The following PTPRZ1 variants were observed in gnomAD, a reference collection of about 807,000 sequenced individuals.
PTPRZ1 encodes the protein protein tyrosine phosphatase receptor type Z1.
In PTPRZ1, 82 loss-of-function variants were observed where a neutral mutation model predicts 214.1. That is an observed-to-expected ratio of 0.38 (90% CI 0.32 to 0.46). The LOEUF (loss-of-function observed/expected upper bound fraction) is 0.46. Ranked by LOEUF, PTPRZ1 falls within the 20% of genes least tolerant of loss-of-function variation. The probability of loss-of-function intolerance (pLI) is 1.00; values close to 1 mark genes in which losing one functional copy is unlikely to be tolerated. For synonymous variants in PTPRZ1, 945 were observed against 987.9 expected (o/e 0.96, Z 0.81); for missense variants, 2,603 against 2,748.7 (o/e 0.95, Z 1.19).
intron 2 of PTPRZ1, among the ~76,000 whole-genome samples, chr7:121,949,131 G>A (rs1563032488): frequency 6.6e-6 from 1 of 152,258 alleles, no homozygotes; most frequent in East Asian, 1.9e-4. Context: ...ACAACTCGAA[G>A]CAAAGGTGGG....
chr7:121,990,376 G>T, intron 8 of PTPRZ1, among the ~76,000 whole-genome samples: 1 of 151,962 alleles, frequency 6.6e-6, no homozygotes, highest in Non-Finnish European at 1.5e-5. Flanking sequence ...TATTTTATCT[G>T]TATTTCCATT....
chr7:121,931,274 A>G (rs1795914900), intron 2 of PTPRZ1, among the ~76,000 whole-genome samples: 1 of 152,206 alleles, frequency 6.6e-6, no homozygotes, highest in Admixed American at 6.5e-5. Context: ...TAGAGATGTT[A>G]TCACAGAATA....
chr7:121,887,773 C>T (rs1203263068), intron 1 of PTPRZ1, among the ~76,000 whole-genome samples: 1 of 152,018 alleles, frequency 6.6e-6, no homozygotes, highest in African/African-American at 2.4e-5. Context: ...GCGGATGCAC[C>T]ATTTCTATGG....
Position 122,010,681 on chromosome 7 carries a change from T to A in PTPRZ1, c.1635T>A (p.Val545=). The A allele has an allele frequency of 6.2e-7, 1 of 1,613,804 alleles. No homozygotes were observed. Among genetic ancestry groups the A allele is most frequent in the South Asian group, 1.1e-5 (1 of 91,050 alleles). ...SASLNDGSKT[V]LRSPHMNLSG... The stretch of plus-strand genomic sequence containing the variant: ...CTTTAAATGATGGCTCTAAAACTGT[T>A]CTTAGATCTCCACATATGAACTTGT... The change falls in exon 12 of 30, where the codon GTT becomes GTA. Residue 545 remains valine (V), a synonymous_variant. Coordinates refer to ENST00000393386, the MANE Select transcript of PTPRZ1 (RefSeq NM_002851.3).
chr7:121,889,688 A>G (rs868133311), intron 1 of PTPRZ1, among the ~76,000 whole-genome samples: 2 of 152,022 alleles, frequency 1.3e-5, no homozygotes, highest in Non-Finnish European at 2.9e-5. Flanking sequence ...TATAGTCACT[A>G]TCTATTTTCT....
At chr7:121,988,640 A>G (rs1465563094) in intron 8 of PTPRZ1, among the ~76,000 whole-genome samples, 1 of 152,178 alleles carries the variant, frequency 6.6e-6, no homozygotes, top group Non-Finnish European at 1.5e-5. Flanking sequence ...GTAACATCTG[A>G]TAAAGTACCT....
intron 29 of PTPRZ1, among the ~76,000 whole-genome samples, chr7:122,060,701 A>G (rs76494929): frequency 0.018 from 2,772 of 152,306 alleles, 26 homozygotes; most frequent in Non-Finnish European, 0.026. Flanking sequence ...GGCAGACCCA[A>G]TGGATTTTCT....
At chr7:121,912,031 A>G (rs1021734996) in intron 1 of PTPRZ1, among the ~76,000 whole-genome samples, 6 of 152,136 alleles carry the variant, frequency 3.9e-5, no homozygotes, top group Admixed American at 3.9e-4. Flanking sequence ...ATTATGATGA[A>G]GCATTTTCCA....
rs556777692 is a variant in PTPRZ1, at chr7:122,010,710, G to T, written c.1664G>T (p.Gly555Val). 3.1e-6 allele frequency: 5 copies of T among 1,613,932 alleles called. No individual in the cohort carries two copies. The highest frequency in any genetic ancestry group is 4.2e-6 in the Non-Finnish European group (5 of 1,179,954). ...VLRSPHMNLS[G>V]TAESLNTVSI... ...AGATCTCCACATATGAACTTGTCGG[G>T]GACTGCAGAATCCTTAAATACAGTT... Residue 555 changes from glycine to valine, a missense_variant, in exon 12 of 30, where the codon GGG (glycine) becomes GTG (valine). Gly to Val is a moderately radical substitution (Grantham distance 109, BLOSUM62 -3). Coordinates refer to ENST00000393386, the MANE Select transcript of PTPRZ1 (RefSeq NM_002851.3).
rs1299917751 is a variant in PTPRZ1, at chr7:122,011,737, T to C, written c.2691T>C (p.Gly897=). The part of the protein sequence containing the change: ...SETLEFGSES[G]VLYKTLMFSQ... ...CGCTGGAATTTGGTAGTGAATCTGGTGTTCTTTATAAAACGCTTATGTTTT... is the reference window on the plus strand; with the variant it reads ...CGCTGGAATTTGGTAGTGAATCTGGCGTTCTTTATAAAACGCTTATGTTTT... Residue 897 remains glycine (G), a synonymous_variant, in exon 12 of 30, where the codon GGT becomes GGC. Transcript: ENST00000393386. 1.2e-6 allele frequency: 2 copies of C among 1,614,208 alleles called. No homozygotes were observed. Among genetic ancestry groups the C allele is most frequent in the Non-Finnish European group, 1.7e-6 (2 of 1,180,028 alleles).
intron 8 of PTPRZ1, among the ~76,000 whole-genome samples, chr7:121,993,129 T>C (rs1262438034): frequency 6.6e-6 from 1 of 152,120 alleles, no homozygotes; most frequent in Non-Finnish European, 1.5e-5. Flanking sequence ...ATCAGGAAAA[T>C]TATATTTTTG....
At chr7:121,997,037 A>G (rs1798165115) in intron 9 of PTPRZ1, among the ~76,000 whole-genome samples, 1 of 152,196 alleles carries the variant, frequency 6.6e-6, no homozygotes, top group Non-Finnish European at 1.5e-5. Context: ...AACTTTGGGG[A>G]TGTAAGAAAA....
In PTPRZ1 at chr7:122,042,648, A is replaced by G. The variant is rs142694766; in HGVS notation, c.5842A>G (p.Ser1948Gly). ...GRTGTYIVLD[S>G]MLQQIQHEGT... ...AACAGGCACATATATTGTGCTAGAC[A>G]GTATGTTGCAGCAGATTCAACACGA... Residue 1948 changes from serine to glycine, a missense_variant, in exon 22 of 30, where the codon AGT becomes GGT. This residue lies in a region of PTPRZ1 where 1,913 missense variants were observed against 1,914.3 expected (regional missense o/e 1.00). Coordinates refer to ENST00000393386, the MANE Select transcript of PTPRZ1 (RefSeq NM_002851.3). 677 of 1,613,958 alleles carry G rather than the reference A, an allele frequency of 4.2e-4. No individual in the cohort carries two copies. The highest frequency in any genetic ancestry group is 5.4e-4 in the Non-Finnish European group (636 of 1,179,842).
intron 1 of PTPRZ1, among the ~76,000 whole-genome samples, chr7:121,877,560 G>A (rs922949749): frequency 2.0e-5 from 3 of 152,144 alleles, no homozygotes; most frequent in Non-Finnish European, 4.4e-5. Context: ...AATCGTTCCA[G>A]CCATGCTACT....
Position 121,983,705 on chromosome 7 carries a change from T to C in PTPRZ1, c.660T>C (p.Leu220=). The C allele has an allele frequency of 6.2e-7, 1 of 1,613,830 alleles. No homozygotes were observed. Among genetic ancestry groups the C allele is most frequent in the Non-Finnish European group, 8.5e-7 (1 of 1,179,930 alleles). Residue 220 remains leucine, a synonymous_variant, in exon 7 of 30, where the codon CTT becomes CTC. Coordinates refer to ENST00000393386, the MANE Select transcript of PTPRZ1 (RefSeq NM_002851.3). ...AALDPFILLN[L]LPNSTDKYYI... ...TAGATCCATTCATACTGTTGAACCT[T>C]CTGCCAAACTCAACTGACAAGTATT...
intron 13 of PTPRZ1, among the ~76,000 whole-genome samples, chr7:122,022,097 C>T (rs554847995): frequency 1.1e-4 from 17 of 152,194 alleles, no homozygotes; most frequent in African/African-American, 3.9e-4. Flanking sequence ...AATCTAATGT[C>T]GTACCAATAA....
intron 8 of PTPRZ1, among the ~76,000 whole-genome samples, chr7:121,988,856 T>C (rs1797849412): frequency 6.6e-6 from 1 of 152,202 alleles, no homozygotes; most frequent in Admixed American, 6.5e-5. Context: ...CTTTAAATAA[T>C]TTAAAATTTG....
At position 121,873,561 on chromosome 7, in the gene PTPRZ1, A is replaced by G; in HGVS notation, c.58+4A>G. ...CTCCTCTGTGTTTGCCGCCTGGGTGAGTGAGAAGAGCTCGGTGGGGTTTCA... is the reference window on the plus strand; with the variant it reads ...CTCCTCTGTGTTTGCCGCCTGGGTGGGTGAGAAGAGCTCGGTGGGGTTTCA... On this transcript the variant is annotated splice_donor_region_variant and intron_variant, in intron 1 of 29. Coordinates refer to ENST00000393386, the MANE Select transcript of PTPRZ1 (RefSeq NM_002851.3). 6.2e-7 allele frequency: 1 copy of G among 1,613,632 alleles called. No individual in the cohort carries two copies. The highest frequency in any genetic ancestry group is 1.1e-5 in the South Asian group (1 of 91,064).
At chr7:122,045,954 G>T (rs551204936) in intron 23 of PTPRZ1, among the ~76,000 whole-genome samples, 3 of 152,214 alleles carry the variant, frequency 2.0e-5, no homozygotes, top group Admixed American at 6.5e-5. Flanking sequence ...ATTCGAGTTT[G>T]TCTGTAGAAA....
Sources: allele counts gnomAD v4.1 joint callset (sites outside exome capture counted in the v4.1 genomes callset), GRCh38; gene constraint gnomAD v4.1.1; regional missense constraint gnomAD v4.1.1; transcripts MANE v1.5; gene names NCBI Gene and HGNC (gene_info 2026-07-23, HGNC 2026-07-21).